The following NDC1 variants were observed in gnomAD, a reference collection of about 807,000 sequenced individuals.
The protein encoded by NDC1 is NDC1 transmembrane nucleoporin, also known as nucleoporin NDC1.
In NDC1, 24 loss-of-function variants were observed where a neutral mutation model predicts 89.8. That is an observed-to-expected ratio of 0.27 (90% CI 0.19 to 0.38). NDC1 has a LOEUF of 0.38. Ranked by LOEUF, NDC1 falls within the 10% of genes least tolerant of loss-of-function variation. The pLI, the probability that NDC1 is intolerant of heterozygous loss-of-function variation, is 1.00. For synonymous variants in NDC1, 296 were observed against 284.8 expected, an observed-to-expected ratio of 1.04 and a Z score of -0.39; for missense variants, 728 against 797.6, an observed-to-expected ratio of 0.91 and a Z score of 1.05.
At chr1:53,820,818 C>A (rs1191510431) in intron 5 of NDC1, among the ~76,000 whole-genome samples, 1 of 140,218 alleles carries the variant, frequency 7.1e-6, no homozygotes, top group Non-Finnish European at 1.5e-5. Context: ...TCAAGCAATT[C>A]TTGTGCCTCA....
intron 17 of NDC1, among the ~76,000 whole-genome samples, chr1:53,768,589 C>T (rs899263509): frequency 1.3e-5 from 2 of 152,132 alleles, no homozygotes; most frequent in African/African-American, 4.8e-5. Context: ...AAATATATTA[C>T]ACCTTGATAA....
At chr1:53,835,434 C>A in intron 2 of NDC1, 66 bp downstream of exon 2, 1 of 1,404,338 alleles carries the variant, frequency 7.1e-7, no homozygotes, top group Non-Finnish European at 9.7e-7. Flanking sequence ...CTGCTTGAAA[C>A]ATAATGCAAT....
Position 53,774,713 on chromosome 1 carries a change from ACT to A in NDC1, c.1801-2226_1801-2225del, listed in dbSNP as rs1647147477. Among the ~76,000 whole-genome samples, 6 of 151,972 alleles carry A rather than the reference ACT, an allele frequency of 3.9e-5. No homozygotes were observed. The South Asian group carries it at 1.2e-3, about 32-fold the overall frequency. On this transcript the variant is annotated intron_variant, in intron 16 of 17. Coordinates refer to ENST00000371429, the MANE Select transcript of NDC1 (RefSeq NM_018087.5). ...AGACCAGCCTGGGCAACACAGAAAGACTCTGTCACTACAAAAAATTTAAAAAT... is the reference window on the plus strand; with the variant it reads ...AGACCAGCCTGGGCAACACAGAAAGACTGTCACTACAAAAAATTTAAAAAT...
At chr1:53,768,857 C>T (rs542644871) in intron 17 of NDC1, among the ~76,000 whole-genome samples, 1 of 152,288 alleles carries the variant, frequency 6.6e-6, no homozygotes, top group African/African-American at 2.4e-5. Context: ...CCTCTAGGTG[C>T]TAGTGAGGCT....
chr1:53,819,766 C>G (rs961084145), intron 5 of NDC1, among the ~76,000 whole-genome samples: 2 of 152,110 alleles, frequency 1.3e-5, no homozygotes, highest in Non-Finnish European at 2.9e-5. Context: ...TAAGTCATGC[C>G]TCCTCTCTAA....
intron 4 of NDC1, 38 bp from the exon 5 acceptor site, chr1:53,825,974 G>C: frequency 6.2e-6 from 10 of 1,602,232 alleles, no homozygotes; most frequent in Non-Finnish European, 8.5e-6. Flanking sequence ...TCAACAGTCA[G>C]GGACATGTAT....
chr1:53,767,882 GT>G lies in NDC1; in HGVS notation c.*87del. The G allele has an allele frequency of 1.3e-6, 1 of 773,588 alleles. No individual in the cohort carries two copies. The highest frequency in any genetic ancestry group is 2.0e-6 in the Non-Finnish European group (1 of 489,102). 47.9% of individuals were successfully genotyped at this position (773,588 alleles called of 1,614,324 possible). On this transcript the variant is annotated 3_prime_UTR_variant, in exon 18 of 18. Transcript: ENST00000371429. ...GACAAAGGAAGCATCTAATTAGTCCGTTTTCTTCTGATCCAAGAATGCTGAA... is the reference window on the plus strand; with the variant it reads ...GACAAAGGAAGCATCTAATTAGTCCGTTTCTTCTGATCCAAGAATGCTGAA...
At position 53,800,696 on chromosome 1, in the gene NDC1, G is replaced by T; in HGVS notation, c.1219C>A (p.Pro407Thr). Reference protein sequence around the residue: ...YPVEPKKLNSPEETAFQTPKS... With the variant: ...YPVEPKKLNSTEETAFQTPKS... ...TCTTAGTAGTCCTAGGGATTACCTG[G>T]AGAATTTAATTTCTTAGGTTCCACT... The change falls in exon 11 of 18, where the codon CCA (proline) becomes ACA (threonine). Residue 407 changes from proline to threonine, a missense_variant. Physicochemically the swap from Pro to Thr is conservative, Grantham distance 38. Transcript: ENST00000371429. 6.2e-7 allele frequency: 1 copy of T among 1,613,928 alleles called. No homozygotes were observed. The highest frequency in any genetic ancestry group is 8.5e-7 in the Non-Finnish European group (1 of 1,179,862).
intron 8 of NDC1, 139 bp from the exon 9 acceptor site, chr1:53,806,656 A>G (rs751106007): frequency 1.9e-5 from 8 of 430,444 alleles, no homozygotes; most frequent in Non-Finnish European, 2.8e-5. Context: ...GGTTAAAGTT[A>G]CATAAACCCA....
intron 15 of NDC1, 120 bp from the exon 16 acceptor site, chr1:53,787,378 G>A: frequency 1.6e-6 from 1 of 612,922 alleles, no homozygotes; most frequent in East Asian, 2.9e-5. Context: ...GCTGGGCACG[G>A]TGGCTCACAC....
intron 4 of NDC1, among the ~76,000 whole-genome samples, chr1:53,826,417 G>A (rs941859230): frequency 4.6e-5 from 7 of 152,138 alleles, no homozygotes; most frequent in African/African-American, 1.4e-4. Context: ...GTCCGATACC[G>A]ATTTTTTTTC....
chr1:53,828,979 T>C (rs921901649), intron 3 of NDC1, among the ~76,000 whole-genome samples: 7 of 152,094 alleles, frequency 4.6e-5, no homozygotes, highest in Admixed American at 6.6e-5. Flanking sequence ...TTACGAAAAA[T>C]AAACCATAAA....
chr1:53,787,960 G>A (rs1464867780), intron 15 of NDC1, among the ~76,000 whole-genome samples: 1 of 151,056 alleles, frequency 6.6e-6, no homozygotes, highest in South Asian at 2.1e-4. Context: ...TGAGACGGCT[G>A]TATCTATAAG....
At chr1:53,827,629 T>G (rs561117327) in intron 4 of NDC1, among the ~76,000 whole-genome samples, 1 of 152,322 alleles carries the variant, frequency 6.6e-6, no homozygotes, top group Admixed American at 6.5e-5. Flanking sequence ...AAATGCTACC[T>G]CTTCCAAGAA....
intron 16 of NDC1, among the ~76,000 whole-genome samples, chr1:53,782,614 A>G (rs774085786): frequency 1.4e-4 from 21 of 152,248 alleles, no homozygotes; most frequent in Non-Finnish European, 2.1e-4. Flanking sequence ...GCCTGGAGCA[A>G]GGGCTCTTAC....
At chr1:53,768,565 C>G (rs1647085634) in intron 17 of NDC1, among the ~76,000 whole-genome samples, 1 of 152,022 alleles carries the variant, frequency 6.6e-6, no homozygotes, top group African/African-American at 2.4e-5. Context: ...CTCTCTCCAC[C>G]CTCACCATCA....
intron 5 of NDC1, among the ~76,000 whole-genome samples, chr1:53,821,317 G>A (rs768226170): frequency 1.2e-4 from 19 of 152,096 alleles, no homozygotes; most frequent in Non-Finnish European, 2.2e-4. Context: ...GGTGGCAGGC[G>A]CCTGCAATCC....
At chr1:53,798,757 AT>A (rs1487791112) in intron 11 of NDC1, among the ~76,000 whole-genome samples, 2 of 151,734 alleles carry the variant, frequency 1.3e-5, no homozygotes, top group Admixed American at 6.6e-5. Flanking sequence ...GTTTCGCCAT[AT>A]TGGCCAGGCT....
At chr1:53,792,638 A>G (rs1647558081) in intron 14 of NDC1, among the ~76,000 whole-genome samples, 1 of 152,208 alleles carries the variant, frequency 6.6e-6, no homozygotes, top group East Asian at 1.9e-4. Flanking sequence ...TTTCCCCTAC[A>G]TAGGGGCAAA....
Sources: gnomAD v4.1 joint callset for allele counts (sites outside exome capture counted in the v4.1 genomes callset) on GRCh38, gnomAD v4.1.1 for gene constraint, MANE v1.5 for transcripts, NCBI Gene and HGNC (gene_info 2026-07-23, HGNC 2026-07-21) for gene names.